The following FBXL13 variants were observed in gnomAD, a reference collection of about 807,000 sequenced individuals.
FBXL13 encodes F-box and leucine-rich repeat protein 13.
Under a neutral mutation model 83.6 loss-of-function variants are expected in FBXL13, and 67 were observed. The observed-to-expected ratio is 0.80, with a 90% CI of 0.66 to 0.98. FBXL13 has a LOEUF of 0.98. FBXL13 is among the 50% of genes least tolerant of loss of function. FBXL13 has a pLI of 0.00. For missense variants in FBXL13, 822 were observed against 866.5 expected, an observed-to-expected ratio of 0.95 and a Z score of 0.64; for synonymous variants, 272 against 299.5, an observed-to-expected ratio of 0.91 and a Z score of 0.95.
chr7:103,000,538 T>C (rs1008107005), intron 6 of FBXL13, among the ~76,000 whole-genome samples: 4 of 152,238 alleles, frequency 2.6e-5, no homozygotes. Flanking sequence ...CTTTACATGC[T>C]AAAGAAAACA....
At chr7:102,831,211 CA>C (rs911407205) in intron 18 of FBXL13, among the ~76,000 whole-genome samples, 3 of 152,038 alleles carry the variant, frequency 2.0e-5, no homozygotes, top group Non-Finnish European at 4.4e-5. Flanking sequence ...AGCATTGAGT[CA>C]CTTAGTTAGC....
At chr7:102,878,300 T>C in intron 15 of FBXL13, 31 bp downstream of exon 16, 1 of 1,567,486 alleles carries the variant, frequency 6.4e-7, no homozygotes, top group Non-Finnish European at 8.6e-7. Context: ...ACAATACTAA[T>C]GATATGATGT....
intron 11 of FBXL13, among the ~76,000 whole-genome samples, chr7:102,893,872 G>A (rs1036983060): frequency 1.4e-5 from 2 of 147,412 alleles, no homozygotes; most frequent in South Asian, 4.4e-4. Flanking sequence ...AGGCGGAGAG[G>A]AAGAAAGAAA....
intron 6 of FBXL13, among the ~76,000 whole-genome samples, chr7:102,977,063 T>G (rs1227442506): frequency 2.0e-5 from 3 of 152,110 alleles, no homozygotes; most frequent in Non-Finnish European, 4.4e-5. Context: ...GTATGATCAC[T>G]TAAACAGAGA....
intron 11 of FBXL13, among the ~76,000 whole-genome samples, chr7:102,903,255 G>A (rs183945087): frequency 5.9e-5 from 9 of 151,928 alleles, no homozygotes; most frequent in Admixed American, 2.0e-4. Flanking sequence ...ACTAATTTTC[G>A]TAGGTCAATT....
chr7:103,071,749 TAGGTAGAAAATCAGGTTTTATTTAGGAC>T (rs1687657158), intron 1 of FBXL13, among the ~76,000 whole-genome samples: 1 of 151,982 alleles, frequency 6.6e-6, no homozygotes, highest in Admixed American at 6.6e-5. Context: ...AATGATATTG[TAGGTAGAAAATCAGGTTTTATTTAGGAC>T]AGGTAGATGA....
At chr7:102,915,800 G>A (rs536553742) in intron 10 of FBXL13, among the ~76,000 whole-genome samples, 111 of 152,192 alleles carry the variant, frequency 7.3e-4, no homozygotes, top group African/African-American at 2.6e-3. Flanking sequence ...AGATTTTGTG[G>A]CAGTTCTAAT....
intron 17 of FBXL13, among the ~76,000 whole-genome samples, chr7:102,847,894 G>A (rs1804314401): frequency 6.6e-6 from 1 of 152,040 alleles, no homozygotes; most frequent in African/African-American, 2.4e-5. Context: ...GCCTAGAAAT[G>A]TATAATCACA....
chr7:103,053,136 T>TTTTTGTTTTG (rs752413560), intron 2 of FBXL13, among the ~76,000 whole-genome samples: 1 of 151,938 alleles, frequency 6.6e-6, no homozygotes, highest in Non-Finnish European at 1.5e-5. Context: ...TTTTTGTTTG[T>TTTTTGTTTTG]TTTTGTTTTG....
chr7:102,905,645 C>T (rs1345926576), intron 11 of FBXL13, among the ~76,000 whole-genome samples: 2 of 152,022 alleles, frequency 1.3e-5, no homozygotes, highest in African/African-American at 4.8e-5. Flanking sequence ...CCTACTTATT[C>T]CTGCTATTTT....
At chr7:102,955,336 G>A (rs1483307449) in intron 8 of FBXL13, among the ~76,000 whole-genome samples, 1 of 152,072 alleles carries the variant, frequency 6.6e-6, no homozygotes, top group Non-Finnish European at 1.5e-5. Flanking sequence ...CATGTTCTTT[G>A]AAGCCAACGA....
chr7:103,009,147 G>A (rs890530400), intron 6 of FBXL13, among the ~76,000 whole-genome samples: 3 of 152,228 alleles, frequency 2.0e-5, no homozygotes, highest in East Asian at 3.9e-4. Flanking sequence ...AGGAAGGAGT[G>A]TGATATGGCT....
chr7:103,040,867 G>C (rs904441874), intron 2 of FBXL13, among the ~76,000 whole-genome samples: 1 of 152,126 alleles, frequency 6.6e-6, no homozygotes, highest in African/African-American at 2.4e-5. Context: ...ATGCCCACAA[G>C]AGAAAGCAGG....
intron 8 of FBXL13, among the ~76,000 whole-genome samples, chr7:102,935,721 C>G (rs548502982): frequency 1.1e-3 from 166 of 152,200 alleles, no homozygotes; most frequent in Non-Finnish European, 1.6e-3. Context: ...CCTACAATAA[C>G]GAACCATGTA....
intron 8 of FBXL13, among the ~76,000 whole-genome samples, chr7:102,938,506 TG>T (rs1270002585): frequency 6.6e-6 from 1 of 152,166 alleles, no homozygotes; most frequent in Non-Finnish European, 1.5e-5. Context: ...CAACAAGATT[TG>T]GCTGGAGAAG....
rs1287471537 is a variant in FBXL13, at chr7:102,869,277, T to C, written c.1635+8190A>G. Among the ~76,000 whole-genome samples, 6 of 152,242 alleles carry C rather than the reference T, an allele frequency of 3.9e-5. No homozygotes were observed. The East Asian group carries it at 7.7e-4, about 20-fold the overall frequency. ...TACTTGTTGGCCGTATACATGTATG[T>C]CTTCTTTTGAGAAATATCTATTCAG... is the stretch of plus-strand genomic sequence containing the variant. On this transcript the variant is annotated intron_variant, in intron 16 of 19. Transcript: ENST00000313221.
chr7:102,955,680 A>T (rs180817138), intron 8 of FBXL13, among the ~76,000 whole-genome samples: 2 of 152,206 alleles, frequency 1.3e-5, no homozygotes, highest in African/African-American at 4.8e-5. Flanking sequence ...AATAGACTCA[A>T]TAAAAAATGA....
chr7:103,021,524 A>C (rs1353744718), intron 6 of FBXL13, among the ~76,000 whole-genome samples: 4 of 152,238 alleles, frequency 2.6e-5, no homozygotes, highest in African/African-American at 9.6e-5. Flanking sequence ...AGCAAAAAAA[A>C]CTACCATCAG....
chr7:103,011,312 C>G (rs1791588677), intron 6 of FBXL13, among the ~76,000 whole-genome samples: 1 of 152,048 alleles, frequency 6.6e-6, no homozygotes. Flanking sequence ...TAAAACAATA[C>G]TGGAGGTGGT....
Sources: gnomAD v4.1 joint callset for allele counts (sites outside exome capture counted in the v4.1 genomes callset) on GRCh38, gnomAD v4.1.1 for gene constraint, MANE v1.5 for transcripts, NCBI Gene and HGNC (gene_info 2026-07-23, HGNC 2026-07-21) for gene names.